RGS12: variants seen among roughly 807,000 people sequenced by gnomAD.
The protein encoded by RGS12 is regulator of G-protein signaling 12.
RGS12 carries 66 observed loss-of-function variants against 120.1 expected under a neutral mutation model. The observed-to-expected ratio is 0.55, with a 90% CI of 0.45 to 0.67. RGS12 has a LOEUF of 0.67. Ranked by LOEUF, RGS12 falls within the 30% of genes least tolerant of loss-of-function variation. The pLI is 0.00. For missense variants in RGS12, 1,859 were observed against 1,957.7 expected, an observed-to-expected ratio of 0.95 and a Z score of 0.95; for synonymous variants, 827 against 804.7, an observed-to-expected ratio of 1.03 and a Z score of -0.47.
chr4:3,403,696 TA>T (rs1341318380), intron 4 of RGS12, among the ~76,000 whole-genome samples: 1 of 152,212 alleles, frequency 6.6e-6, no homozygotes, highest in African/African-American at 2.4e-5. Context: ...CTGTGCTGCT[TA>T]AAGCAGAGGG....
At chr4:3,354,850 G>A (rs1239887273) in intron 3 of RGS12, among the ~76,000 whole-genome samples, 3 of 152,152 alleles carry the variant, frequency 2.0e-5, no homozygotes. Flanking sequence ...ATTACAGGAC[G>A]TCAAAGCTAG....
At chr4:3,382,551 T>C (rs999260789) in intron 3 of RGS12, among the ~76,000 whole-genome samples, 1 of 152,214 alleles carries the variant, frequency 6.6e-6, no homozygotes, top group African/African-American at 2.4e-5. Context: ...TTAGTCCTGC[T>C]CACAGCACCA....
intron 2 of RGS12, among the ~76,000 whole-genome samples, chr4:3,338,340 G>A (rs574503130): frequency 3.7e-4 from 57 of 152,390 alleles, no homozygotes; most frequent in African/African-American, 1.1e-3. Flanking sequence ...GATTACAGGC[G>A]TGAGCCACTG....
intron 3 of RGS12, among the ~76,000 whole-genome samples, chr4:3,348,484 C>T (rs1318701461): frequency 3.9e-5 from 6 of 152,112 alleles, no homozygotes; most frequent in Admixed American, 6.6e-5. Context: ...ATGAAAAGTA[C>T]TTGAATTTAA....
intron 7 of RGS12, among the ~76,000 whole-genome samples, chr4:3,416,421 G>A (rs1297706967): frequency 6.6e-6 from 1 of 152,190 alleles, no homozygotes; most frequent in Non-Finnish European, 1.5e-5. Context: ...ACACCTGCCT[G>A]GGGGATGGCG....
chr4:3,304,644 G>A (rs879316923), intron 1 of RGS12, among the ~76,000 whole-genome samples: 1 of 152,200 alleles, frequency 6.6e-6, no homozygotes, highest in Admixed American at 6.5e-5. Flanking sequence ...CTTTTTAGCC[G>A]CTTTTCCCCA....
intron 4 of RGS12, chr4:3,413,800 G>C (rs768237634): frequency 2.3e-6 from 1 of 441,994 alleles, no homozygotes; most frequent in African/African-American, 1.9e-5. Flanking sequence ...CAAGGGTGCT[G>C]TGTGGGCCTG....
At chr4:3,367,965 C>T (rs558105043) in intron 3 of RGS12, among the ~76,000 whole-genome samples, 3 of 152,340 alleles carry the variant, frequency 2.0e-5, no homozygotes, top group East Asian at 1.9e-4. Flanking sequence ...TCTTCCTTTC[C>T]GTCCTCGATG....
At chr4:3,307,551 A>G (rs781178554) in intron 1 of RGS12, among the ~76,000 whole-genome samples, 2 of 152,274 alleles carry the variant, frequency 1.3e-5, no homozygotes, top group Non-Finnish European at 2.9e-5. Context: ...AATTGCATTC[A>G]GACACTTGAG....
At chr4:3,343,904 T>C (rs1713523483) in intron 3 of RGS12, among the ~76,000 whole-genome samples, 1 of 152,272 alleles carries the variant, frequency 6.6e-6, no homozygotes, top group African/African-American at 2.4e-5. Flanking sequence ...CAAGATTTAC[T>C]CCTGGACTTT....
At chr4:3,292,941 A>C (rs2110339274), upstream of RGS12, 1 of 89,120 alleles carries the variant, frequency 1.1e-5, no homozygotes, top group Admixed American at 1.0e-4. Context: ...GCCCCGCCTC[A>C]CCAGGTTCGC....
intron 4 of RGS12, among the ~76,000 whole-genome samples, chr4:3,401,676 C>T (rs576291066): frequency 1.3e-5 from 2 of 152,354 alleles, no homozygotes; most frequent in East Asian, 1.9e-4. Context: ...GGAACCACGC[C>T]GTGAACCGGC....
chr4:3,439,383 G>A (rs545531683), intron 17 of RGS12, 72 bp from the exon 18 acceptor site: 91 of 1,475,954 alleles, frequency 6.2e-5, no homozygotes, highest in Admixed American at 2.0e-4. Flanking sequence ...AGGGGCCTTC[G>A]GGGTAGGGGG....
At position 3,365,977 on chromosome 4, in the gene RGS12, C is replaced by G. The variant is rs1716260882; in HGVS notation, c.1999-20439C>G. ...GGGAACATGCTCAGTGTTGACCCCT[C>G]CCTGCCTTGTGGAGCTGGTCCTGGA... On this transcript the variant is annotated intron_variant, in intron 3 of 17. Coordinates refer to ENST00000336727, the MANE Select transcript of RGS12 (RefSeq NM_001394154.1). The surrounding 1 kb of genome is among the most constrained non-coding windows in gnomAD (Gnocchi z 4.0). Among the ~76,000 whole-genome samples the G allele has an allele frequency of 6.6e-6, 1 of 152,114 alleles. No individual in the cohort carries two copies. Among genetic ancestry groups the G allele is most frequent in the Non-Finnish European group, 1.5e-5 (1 of 68,014 alleles).
intron 2 of RGS12, among the ~76,000 whole-genome samples, chr4:3,340,999 G>A (rs944634099): frequency 2.0e-5 from 3 of 151,730 alleles, no homozygotes; most frequent in Non-Finnish European, 2.9e-5. Context: ...GCTGGGCATC[G>A]CCACTTTCAG....
intron 4 of RGS12, among the ~76,000 whole-genome samples, chr4:3,409,614 C>T (rs552331600): frequency 3.3e-5 from 5 of 152,310 alleles, no homozygotes; most frequent in South Asian, 2.1e-4. Flanking sequence ...GAGGTGGGCC[C>T]GGGGGCTGGT....
chr4:3,369,691 GT>G, intron 3 of RGS12, among the ~76,000 whole-genome samples: 1 of 152,318 alleles, frequency 6.6e-6, no homozygotes. Context: ...TTTACAAATA[GT>G]TTTCTTTTTC....
chr4:3,413,131 G>GCC (rs1455457638), intron 4 of RGS12: 5 of 56,360 alleles, frequency 8.9e-5, no homozygotes, highest in Non-Finnish European at 1.8e-4. Flanking sequence ...GGACGGGGGC[G>GCC]CCCCCACACT....
intron 1 of RGS12, among the ~76,000 whole-genome samples, chr4:3,309,679 C>T (rs147612830): frequency 0.026 from 1,895 of 72,670 alleles, 157 homozygotes; most frequent in East Asian, 0.042. Flanking sequence ...GGCAGGTGTC[C>T]GCTGAGGGGA....
Sources: gnomAD v4.1 joint callset for allele counts (sites outside exome capture counted in the v4.1 genomes callset) on GRCh38, gnomAD v4.1.1 for gene constraint, Gnocchi (gnomAD v3.1) non-coding constraint, MANE v1.5 for transcripts, NCBI Gene and HGNC (gene_info 2026-07-23, HGNC 2026-07-21) for gene names.